The following AXIN2 variants were observed in gnomAD, a reference collection of about 807,000 sequenced individuals.
The protein encoded by AXIN2 is axin-2.
In AXIN2, 21 loss-of-function variants were observed where a neutral mutation model predicts 74.7. The observed-to-expected ratio is 0.28, with a 90% CI of 0.20 to 0.40. The LOEUF (loss-of-function observed/expected upper bound fraction) is 0.40, where lower values mean the gene tolerates loss of function less well. Ranked by LOEUF, AXIN2 falls within the 10% of genes least tolerant of loss-of-function variation. The pLI, the probability that AXIN2 is intolerant of heterozygous loss-of-function variation, is 1.00. For missense variants in AXIN2, 1,144 were observed against 1,111.1 expected, an observed-to-expected ratio of 1.03 and a Z score of -0.42; for synonymous variants, 532 against 454.9, an observed-to-expected ratio of 1.17 and a Z score of -2.16.
At chr17:65,538,418 C>CG in intron 4 of AXIN2, 75 bp from the exon 5 acceptor site, 1 of 1,591,948 alleles carries the variant, frequency 6.3e-7, no homozygotes, top group Non-Finnish European at 8.6e-7. Flanking sequence ...CGGAGCTTCC[C>CG]GCACCAGGCG....
chr17:65,543,121 T>C (rs2044066699), intron 3 of AXIN2, among the ~76,000 whole-genome samples: 1 of 152,158 alleles, frequency 6.6e-6, no homozygotes, highest in African/African-American at 2.4e-5. Context: ...ATAATTGCAC[T>C]GAGGTGAGTA....
At chr17:65,542,333 A>T (rs2044056317) in intron 3 of AXIN2, among the ~76,000 whole-genome samples, 1 of 152,254 alleles carries the variant, frequency 6.6e-6, no homozygotes, top group African/African-American at 2.4e-5. Context: ...AGCAGTAGAC[A>T]AAGTGGATAC....
At chr17:65,541,337 C>T (rs1216242137) in intron 4 of AXIN2, 118 bp downstream of exon 4, 1 of 931,068 alleles carries the variant, frequency 1.1e-6, no homozygotes, top group Non-Finnish European at 1.8e-6. Flanking sequence ...CCTAGGGGAC[C>T]TTAGGTACTG....
At position 65,529,819 on chromosome 17, in the gene AXIN2, C is replaced by A. The variant is rs1318128400; in HGVS notation, c.*157G>T. On this transcript the variant is annotated 3_prime_UTR_variant, in exon 11 of 11. Transcript: ENST00000307078. ...ATGAATCATGAAAATCAACCTCCCC[C>A]CGCCCTCCCGAAGGCCCACTGGCCG... The A allele has an allele frequency of 8.3e-7, 1 of 1,209,112 alleles. No individual in the cohort carries two copies. The highest frequency in any genetic ancestry group is 1.2e-6 in the Non-Finnish European group (1 of 845,488). The allele number at this position is 1,209,112 out of a possible 1,614,324, so 74.9% of individuals were successfully genotyped here.
intron 3 of AXIN2, among the ~76,000 whole-genome samples, chr17:65,545,224 T>C (rs2059843674): frequency 6.6e-6 from 1 of 152,156 alleles, no homozygotes; most frequent in Admixed American, 6.5e-5. Flanking sequence ...GCTTTCATGA[T>C]TCCTGGCAAC....
chr17:65,530,720 C>T (rs930434721), intron 10 of AXIN2, among the ~76,000 whole-genome samples: 1 of 152,234 alleles, frequency 6.6e-6, no homozygotes, highest in Admixed American at 6.5e-5. Context: ...GCGCAGCTTC[C>T]CAGGGCCGAA....
intron 4 of AXIN2, among the ~76,000 whole-genome samples, 190 bp from the exon 5 acceptor site, chr17:65,538,533 T>C (rs2043985889): frequency 6.6e-6 from 1 of 151,584 alleles, no homozygotes; most frequent in African/African-American, 2.4e-5. Flanking sequence ...AGAGCCATGG[T>C]CCCCACCAGC....
At chr17:65,557,348 C>T (rs2044281698) in intron 2 of AXIN2, among the ~76,000 whole-genome samples, 1 of 152,188 alleles carries the variant, frequency 6.6e-6, no homozygotes, top group African/African-American at 2.4e-5. Flanking sequence ...CCCACTTACC[C>T]CTCAATGGGT....
chr17:65,533,139 TA>T (rs1438934714), intron 10 of AXIN2, among the ~76,000 whole-genome samples: 5 of 152,174 alleles, frequency 3.3e-5, no homozygotes, highest in Non-Finnish European at 7.4e-5. Flanking sequence ...TCAAGGGCCC[TA>T]AAAAGTCAGC....
intron 2 of AXIN2, among the ~76,000 whole-genome samples, chr17:65,556,054 G>A (rs1233027735): frequency 2.6e-5 from 4 of 152,126 alleles, no homozygotes; most frequent in African/African-American, 9.7e-5. Flanking sequence ...CCTGCCTTCT[G>A]GATCTCAAAA....
intron 3 of AXIN2, 77 bp from the exon 4 acceptor site, chr17:65,541,634 C>G (rs528168221): frequency 8.1e-7 from 1 of 1,228,722 alleles, no homozygotes; most frequent in African/African-American, 1.5e-5. Context: ...CTGTCATATG[C>G]CATCTTGAGA....
intron 10 of AXIN2, among the ~76,000 whole-genome samples, chr17:65,532,832 A>C (rs7210356): frequency 6.6e-6 from 1 of 152,198 alleles, no homozygotes; most frequent in African/African-American, 2.4e-5. Context: ...CAGGGACAAC[A>C]GCACACAGCT....
rs1001903149 is a variant in AXIN2, at chr17:65,529,469, AG to A, written c.*506del. 4 of 280,254 alleles carry A rather than the reference AG, an allele frequency of 1.4e-5. No homozygotes were observed. Among genetic ancestry groups the A allele is most frequent in the African/African-American group, 8.6e-5 (4 of 46,250 alleles). The allele number at this position is 280,254 out of a possible 1,614,324, so 17.4% of individuals were successfully genotyped here. ...TAGTGCAAAGCATAATTCCTCTGTT[AG>A]TGAAGAAACCATGAACGCACTCCTA... On this transcript the variant is annotated 3_prime_UTR_variant, in exon 11 of 11. Coordinates refer to ENST00000307078, the MANE Select transcript of AXIN2 (RefSeq NM_004655.4).
At chr17:65,554,828 C>T (rs72856680) in intron 2 of AXIN2, among the ~76,000 whole-genome samples, 12,220 of 152,226 alleles carry the variant, frequency 0.08, 620 homozygotes, top group Middle Eastern at 0.15. Flanking sequence ...GCTCTGTGCA[C>T]CCAGCACCTT....
chr17:65,533,461 G>C (rs1230765829), intron 10 of AXIN2, among the ~76,000 whole-genome samples: 2 of 152,186 alleles, frequency 1.3e-5, no homozygotes, highest in African/African-American at 4.8e-5. Flanking sequence ...CAATGTGGGG[G>C]TCTCTCCTAA....
chr17:65,545,130 G>A (rs2044099657), intron 3 of AXIN2, among the ~76,000 whole-genome samples: 1 of 152,196 alleles, frequency 6.6e-6, no homozygotes, highest in Non-Finnish European at 1.5e-5. Context: ...CAGAGCTGAA[G>A]CAACATACAA....
chr17:65,543,576 C>T (rs958618162), intron 3 of AXIN2, among the ~76,000 whole-genome samples: 1 of 152,190 alleles, frequency 6.6e-6, no homozygotes, highest in Admixed American at 6.5e-5. Flanking sequence ...ACCAGAAATG[C>T]TCAATAGCTC....
chr17:65,536,844 CGCG>C (rs891443949), intron 7 of AXIN2, 22 bp downstream of exon 7: 1 of 1,612,402 alleles, frequency 6.2e-7, no homozygotes. Context: ...CCCTCGCGGC[CGCG>C]GCGGCGGCAA....
At chr17:65,556,697 C>A (rs1567767730) in intron 2 of AXIN2, among the ~76,000 whole-genome samples, 1 of 152,164 alleles carries the variant, frequency 6.6e-6, no homozygotes, top group Non-Finnish European at 1.5e-5. Flanking sequence ...GATCAACCAT[C>A]TGGTGCCCAC....
Sources: gnomAD v4.1 joint callset for allele counts (sites outside exome capture counted in the v4.1 genomes callset) on GRCh38, gnomAD v4.1.1 for gene constraint, MANE v1.5 for transcripts, NCBI Gene and HGNC (gene_info 2026-07-23, HGNC 2026-07-21) for gene names.